THEMIS: variants seen among roughly 807,000 people sequenced by gnomAD.
THEMIS encodes the protein protein THEMIS.
A neutral mutation model predicts 52.6 loss-of-function variants in THEMIS; 37 were observed. The ratio of observed to expected loss-of-function variants is 0.70; its 90% CI spans 0.54 to 0.93. The LOEUF (loss-of-function observed/expected upper bound fraction) is 0.93, where lower values mean the gene tolerates loss of function less well. THEMIS is among the 40% of genes least tolerant of loss of function. The pLI is 0.00. For synonymous variants in THEMIS, 292 were observed against 272.7 expected (o/e 1.07, Z -0.70); for missense variants, 808 against 763.1 (o/e 1.06, Z -0.69).
intron 1 of THEMIS, among the ~76,000 whole-genome samples, chr6:127,907,740 C>T (rs1781312099): frequency 6.6e-6 from 1 of 151,968 alleles, no homozygotes; most frequent in Non-Finnish European, 1.5e-5. Flanking sequence ...ATAGTACACC[C>T]ACCAAAAATG....
chr6:127,727,876 C>A (rs1774606611), intron 4 of THEMIS, among the ~76,000 whole-genome samples: 1 of 152,102 alleles, frequency 6.6e-6, no homozygotes, highest in Admixed American at 6.6e-5. Context: ...TTCTTTGAAA[C>A]CCCTTCCCAT....
intron 3 of THEMIS, among the ~76,000 whole-genome samples, chr6:127,816,000 C>T (rs897468499): frequency 5.3e-5 from 8 of 152,044 alleles, no homozygotes; most frequent in Admixed American, 3.3e-4. Flanking sequence ...CCATGTTATC[C>T]GAACTCTTAA....
intron 2 of THEMIS, among the ~76,000 whole-genome samples, chr6:127,844,056 T>A (rs920693461): frequency 6.6e-6 from 1 of 151,948 alleles, no homozygotes; most frequent in African/African-American, 2.4e-5. Context: ...GTTGCCAAAT[T>A]TAGACACAAC....
At chr6:127,805,963 T>G (rs1367742732) in intron 4 of THEMIS, among the ~76,000 whole-genome samples, 1 of 147,856 alleles carries the variant, frequency 6.8e-6, no homozygotes, top group East Asian at 2.0e-4. Context: ...GCTCTTTTGA[T>G]TTTTTTTTTT....
At chr6:127,802,388 T>C (rs1777566126) in intron 4 of THEMIS, among the ~76,000 whole-genome samples, 1 of 152,150 alleles carries the variant, frequency 6.6e-6, no homozygotes, top group South Asian at 2.1e-4. Context: ...TTAAATGTAG[T>C]AGGAATAATT....
chr6:127,913,796 C>T (rs1781462287), intron 1 of THEMIS, among the ~76,000 whole-genome samples: 1 of 152,184 alleles, frequency 6.6e-6, no homozygotes, highest in Non-Finnish European at 1.5e-5. Flanking sequence ...AATTCAATCA[C>T]AAGTACTCTA....
At chr6:127,737,153 T>G (rs1157404204) in intron 4 of THEMIS, among the ~76,000 whole-genome samples, 2 of 152,202 alleles carry the variant, frequency 1.3e-5, no homozygotes, top group Non-Finnish European at 2.9e-5. Flanking sequence ...CAACTACCTT[T>G]CAGAGTGTAG....
At position 127,717,599 on chromosome 6, in the gene THEMIS, C is replaced by T. The variant is rs527815258; in HGVS notation, c.1894+2089G>A. Among the ~76,000 whole-genome samples, 159 of 151,878 alleles carry T rather than the reference C, an allele frequency of 1.0e-3. 1 individual carries two copies. Among genetic ancestry groups the T allele is most frequent in the Middle Eastern group, 6.8e-3 (2 of 294 alleles). On this transcript the variant is annotated intron_variant, in intron 5 of 5. Transcript: ENST00000368248. ...GCACTGATCCTGAGTGAGGTTTTAC[C>T]GTACTCTTGGCTGGAATAGAGTCTT...
chr6:127,743,934 G>GT (rs908679105), intron 4 of THEMIS, among the ~76,000 whole-genome samples: 2 of 152,036 alleles, frequency 1.3e-5, no homozygotes, highest in African/African-American at 4.8e-5. Context: ...CCTTTAAAAT[G>GT]TTTTTTGTCT....
At chr6:127,836,990 T>G (rs2114683080) in intron 2 of THEMIS, among the ~76,000 whole-genome samples, 1 of 152,286 alleles carries the variant, frequency 6.6e-6, no homozygotes, top group Admixed American at 6.5e-5. Context: ...AGACAGTCAC[T>G]TCCAGGAAAG....
intron 3 of THEMIS, among the ~76,000 whole-genome samples, chr6:127,815,752 A>T (rs1429883374): frequency 6.6e-6 from 1 of 152,212 alleles, no homozygotes; most frequent in Non-Finnish European, 1.5e-5. Context: ...AGCTAGGTTT[A>T]AGAATTCTAG....
rs566316045 is a variant in THEMIS, at chr6:127,888,381, T to A, written c.91+12461A>T. Among the ~76,000 whole-genome samples the A allele has an allele frequency of 1.6e-4, 25 of 152,194 alleles. No homozygotes were observed. In the East Asian group the frequency reaches 4.2e-3, roughly 26 times the overall value. On this transcript the variant is annotated intron_variant, in intron 1 of 5. Transcript: ENST00000368248. ...AGGAAGAGCATTTAGGAGATTTTGA[T>A]AATCTTAGCAGTAAATTATGATGGC...
chr6:127,794,479 C>A (rs1777260666), intron 4 of THEMIS, among the ~76,000 whole-genome samples: 1 of 152,146 alleles, frequency 6.6e-6, no homozygotes, highest in African/African-American at 2.4e-5. Context: ...AATATTTCAG[C>A]CTTCTGACCT....
At chr6:127,710,929 GCCTCCCTCCCTCCTTCCCTCCCTC>G (rs1180560091) in intron 5 of THEMIS, among the ~76,000 whole-genome samples, 2 of 150,794 alleles carry the variant, frequency 1.3e-5, no homozygotes, top group Non-Finnish European at 3.0e-5. Context: ...ATAACTGCCT[GCCTCCCTCCCTCCTTCCCTCCCTC>G]CCTCCCTTCC....
rs1202308091 is a variant in THEMIS at position 127,719,240 on chromosome 6, T to C, written c.1894+448A>G. ...GCTTTTGTTTTGCACTCAGTAGAGA[T>C]GAAAAATATCAGATCACAATCTCTA... On this transcript the variant is annotated intron_variant, in intron 5 of 5. Transcript: ENST00000368248. Among the ~76,000 whole-genome samples, 3 of 151,912 alleles carry C rather than the reference T, an allele frequency of 2.0e-5. 1 individual carries two copies. Among genetic ancestry groups the C allele is most frequent in the South Asian group, 4.1e-4 (2 of 4,832 alleles).
At chr6:127,757,718 C>T (rs561828947) in intron 4 of THEMIS, among the ~76,000 whole-genome samples, 6 of 152,144 alleles carry the variant, frequency 3.9e-5, no homozygotes, top group South Asian at 2.1e-4. Flanking sequence ...CTCCTGACCT[C>T]GTGATTGGCC....
intron 1 of THEMIS, among the ~76,000 whole-genome samples, chr6:127,876,673 G>A (rs1780322352): frequency 6.6e-6 from 1 of 152,120 alleles, no homozygotes; most frequent in Non-Finnish European, 1.5e-5. Context: ...AAAGTCAGGA[G>A]ACAACATAAA....
intron 2 of THEMIS, among the ~76,000 whole-genome samples, chr6:127,841,944 GC>G (rs1779062549): frequency 6.6e-6 from 1 of 151,922 alleles, no homozygotes; most frequent in Non-Finnish European, 1.5e-5. Context: ...TGGAAAAATA[GC>G]CCCTGATTCC....
chr6:127,907,052 G>A (rs1781289104), intron 1 of THEMIS, among the ~76,000 whole-genome samples: 1 of 151,576 alleles, frequency 6.6e-6, no homozygotes, highest in African/African-American at 2.4e-5. Flanking sequence ...TTTGAGTAAA[G>A]AATAAACCCT....
Sources: gnomAD v4.1 joint callset for allele counts (sites outside exome capture counted in the v4.1 genomes callset) on GRCh38, gnomAD v4.1.1 for gene constraint, MANE v1.5 for transcripts, NCBI Gene and HGNC (gene_info 2026-07-23, HGNC 2026-07-21) for gene names.